The following ARHGEF38 variants were observed in gnomAD, a reference collection of about 807,000 sequenced individuals.
ARHGEF38 encodes Rho guanine nucleotide exchange factor (GEF) 38.
In ARHGEF38, 79 loss-of-function variants were observed where a neutral mutation model predicts 79.9. That is an observed-to-expected ratio of 0.99 (90% CI 0.82 to 1.19). The LOEUF is 1.19. ARHGEF38 is among the 50% of genes most tolerant of loss of function. ARHGEF38 has a pLI of 0.00. For synonymous variants in ARHGEF38, 366 were observed against 328.3 expected (o/e 1.11, Z -1.24); for missense variants, 962 against 907.2 (o/e 1.06, Z -0.78).
chr4:105,586,642 G>A (rs935399066), intron 1 of ARHGEF38, among the ~76,000 whole-genome samples: 7 of 152,118 alleles, frequency 4.6e-5, no homozygotes, highest in Non-Finnish European at 8.8e-5. Flanking sequence ...TCGACGATCA[G>A]GAAAAACTTC....
chr4:105,585,725 G>GTTTTTTTTTTTT (rs1491390111), intron 1 of ARHGEF38, among the ~76,000 whole-genome samples: 2 of 14,438 alleles, frequency 1.4e-4, no homozygotes, highest in Non-Finnish European at 2.6e-4. Context: ...CCCCTCCGTT[G>GTTTTTTTTTTTT]CTTTTTTTTT....
intron 13 of ARHGEF38, among the ~76,000 whole-genome samples, chr4:105,672,259 TA>T (rs1200985570): frequency 6.6e-6 from 1 of 152,184 alleles, no homozygotes; most frequent in Non-Finnish European, 1.5e-5. Context: ...AACAGACTTT[TA>T]AAAGAAAATT....
At chr4:105,669,678 A>G (rs1214569497) in intron 13 of ARHGEF38, among the ~76,000 whole-genome samples, 12 of 152,030 alleles carry the variant, frequency 7.9e-5, no homozygotes, top group African/African-American at 2.9e-4. Flanking sequence ...CTTTTAGTAT[A>G]TATTACAAAG....
At chr4:105,668,442 A>G (rs1318881698) in intron 13 of ARHGEF38, among the ~76,000 whole-genome samples, 1 of 152,150 alleles carries the variant, frequency 6.6e-6, no homozygotes, top group Non-Finnish European at 1.5e-5. Flanking sequence ...CCCTCACTGC[A>G]CTAATGCAAA....
intron 2 of ARHGEF38, among the ~76,000 whole-genome samples, chr4:105,599,611 T>C (rs1373475006): frequency 6.6e-6 from 1 of 152,164 alleles, no homozygotes; most frequent in African/African-American, 2.4e-5. Flanking sequence ...AATATTGCCA[T>C]AAACCTCTCT....
At position 105,613,336 on chromosome 4, in the gene ARHGEF38, C is replaced by A. The variant is rs750817677; in HGVS notation, c.385-48C>A. 5 of 1,591,702 alleles carry A rather than the reference C, an allele frequency of 3.1e-6. No individual in the cohort carries two copies. The South Asian group carries it at 4.6e-5, about 15-fold the overall frequency. On this transcript the variant is annotated intron_variant, in intron 2 of 13. Transcript: ENST00000420470. ...CTTACTGTTTAGGAGGAGAAAACATCCTAAATACAGTGCTTCTCCATCAGC... is the reference window on the plus strand; with the variant it reads ...CTTACTGTTTAGGAGGAGAAAACATACTAAATACAGTGCTTCTCCATCAGC...
At chr4:105,604,482 T>A (rs1727957484) in intron 2 of ARHGEF38, among the ~76,000 whole-genome samples, 1 of 152,208 alleles carries the variant, frequency 6.6e-6, no homozygotes, top group African/African-American at 2.4e-5. Context: ...AAATTTTTCT[T>A]TTCCTTTCTT....
chr4:105,573,143 A>G (rs78940622), intron 1 of ARHGEF38, among the ~76,000 whole-genome samples: 4,537 of 152,182 alleles, frequency 0.03, 243 homozygotes, highest in African/African-American at 0.1. Flanking sequence ...CTGGGTGTTA[A>G]TCTTTTATCA....
chr4:105,654,702 C>G (rs560787006), intron 8 of ARHGEF38, among the ~76,000 whole-genome samples: 7 of 152,298 alleles, frequency 4.6e-5, no homozygotes, highest in Admixed American at 2.6e-4. Context: ...TCACTGATTT[C>G]AACCAACTAA....
intron 13 of ARHGEF38, among the ~76,000 whole-genome samples, chr4:105,672,045 A>G (rs1730974340): frequency 1.3e-5 from 2 of 152,150 alleles, no homozygotes; most frequent in African/African-American, 4.8e-5. Context: ...TCTAAAGATC[A>G]TTCACATATA....
intron 1 of ARHGEF38, among the ~76,000 whole-genome samples, chr4:105,566,304 T>G (rs1227887384): frequency 2.0e-5 from 3 of 152,222 alleles, no homozygotes; most frequent in Non-Finnish European, 4.4e-5. Context: ...TGCTACCTGT[T>G]TCAGATTTCA....
intron 9 of ARHGEF38, 88 bp from the exon 10 acceptor site, chr4:105,658,966 G>T (rs1730449233): frequency 8.7e-7 from 1 of 1,155,816 alleles, no homozygotes; most frequent in East Asian, 2.6e-5. Context: ...GCTTCTCGTG[G>T]GGGAAAAGGT....
chr4:105,572,132 A>G (rs999851917), intron 1 of ARHGEF38, among the ~76,000 whole-genome samples: 15 of 152,204 alleles, frequency 9.9e-5, no homozygotes, highest in Admixed American at 5.2e-4. Flanking sequence ...AAACTCACAG[A>G]AGACTTTTTT....
rs368502417 is a variant in ARHGEF38, at chr4:105,578,804, A to C, written c.197-10444A>C. ...GAATTTATATGAATCTTTACATTTTAGGTAAGTCTCTGGAAGACAGTTGAT... is the reference window on the plus strand; with the variant it reads ...GAATTTATATGAATCTTTACATTTTCGGTAAGTCTCTGGAAGACAGTTGAT... On this transcript the variant is annotated intron_variant, in intron 1 of 13. Transcript: ENST00000420470. Among the ~76,000 whole-genome samples the C allele has an allele frequency of 5.3e-5, 8 of 152,076 alleles. No homozygotes were observed. In the East Asian group the frequency reaches 1.5e-3, roughly 29 times the overall value.
At chr4:105,636,464 G>A (rs910257241) in intron 5 of ARHGEF38, 44 bp downstream of exon 5, 7 of 356,080 alleles carry the variant, frequency 2.0e-5, no homozygotes, top group South Asian at 5.9e-5. Flanking sequence ...TAAAAATCAC[G>A]AGAAAATGCA....
At chr4:105,655,999 A>C (rs1347802948) in intron 9 of ARHGEF38, among the ~76,000 whole-genome samples, 5 of 152,192 alleles carry the variant, frequency 3.3e-5, no homozygotes, top group Admixed American at 1.3e-4. Flanking sequence ...TATTTAGTTT[A>C]AGTCTGCATG....
intron 1 of ARHGEF38, among the ~76,000 whole-genome samples, chr4:105,580,247 C>T (rs1726719663): frequency 1.3e-5 from 2 of 152,084 alleles, no homozygotes; most frequent in Non-Finnish European, 2.9e-5. Flanking sequence ...TAGTTTGTGT[C>T]TTCTGCTAGC....
chr4:105,654,962 C>T (rs771485950), intron 8 of ARHGEF38, among the ~76,000 whole-genome samples: 9 of 152,150 alleles, frequency 5.9e-5, no homozygotes, highest in Non-Finnish European at 1.2e-4. Flanking sequence ...GATAAAATAT[C>T]AGAATGATTT....
At position 105,645,608 on chromosome 4, in the gene ARHGEF38, G is replaced by A. The variant is rs373024961; in HGVS notation, c.874+221G>A. On this transcript the variant is annotated intron_variant, in intron 6 of 13. Coordinates refer to ENST00000420470, the MANE Select transcript of ARHGEF38 (RefSeq NM_001242729.2). ...ATGAAATTAAAAAATAAATCAAGCA[G>A]CCATATGCTCAACTTCATTGGACCA... is the stretch of plus-strand genomic sequence containing the variant. Among the ~76,000 whole-genome samples the A allele has an allele frequency of 2.0e-5, 3 of 152,152 alleles. No homozygotes were observed. The East Asian group carries it at 5.8e-4, about 29-fold the overall frequency.
Sources: allele counts gnomAD v4.1 joint callset (sites outside exome capture counted in the v4.1 genomes callset), GRCh38; gene constraint gnomAD v4.1.1; transcripts MANE v1.5; gene names NCBI Gene and HGNC (gene_info 2026-07-23, HGNC 2026-07-21).